Variants in HMGCLL1 observed in about 807,000 individuals in gnomAD.
The protein encoded by HMGCLL1 is 3-hydroxy-3-methylglutaryl-CoA lyase like 1.
HMGCLL1 carries 36 observed loss-of-function variants against 39.1 expected under a neutral mutation model. The ratio of observed to expected loss-of-function variants is 0.92; its 90% CI spans 0.71 to 1.22. The LOEUF is 1.22. Ranked by LOEUF, HMGCLL1 falls within the 50% of genes most tolerant of loss-of-function variation. The pLI, the probability that HMGCLL1 is intolerant of heterozygous loss-of-function variation, is 0.00. For missense variants in HMGCLL1, 451 were observed against 416.5 expected, an observed-to-expected ratio of 1.08 and a Z score of -0.72; for synonymous variants, 149 against 144.0, an observed-to-expected ratio of 1.03 and a Z score of -0.25.
intron 8 of HMGCLL1, among the ~76,000 whole-genome samples, chr6:55,436,089 G>A (rs1763361470): frequency 6.6e-6 from 1 of 151,794 alleles, no homozygotes; most frequent in African/African-American, 2.4e-5. Context: ...AGTCAACAAA[G>A]CATCAGCGAA....
chr6:55,639,042 C>T, the HMGCLL1 span, among the ~76,000 whole-genome samples: 2 of 151,988 alleles, frequency 1.3e-5, no homozygotes, highest in African/African-American at 4.8e-5. Flanking sequence ...TGGTATCATT[C>T]TATAAACTCT....
the HMGCLL1 span, among the ~76,000 whole-genome samples, chr6:55,607,698 TACTC>T: frequency 6.6e-6 from 1 of 152,202 alleles, no homozygotes; most frequent in Non-Finnish European, 1.5e-5. Context: ...CTTTTCTCTC[TACTC>T]ACTCTTGCTT....
chr6:55,483,522 C>T (rs1418073884), intron 7 of HMGCLL1, among the ~76,000 whole-genome samples: 2 of 152,152 alleles, frequency 1.3e-5, no homozygotes, highest in African/African-American at 2.4e-5. Flanking sequence ...CTTGGCCACC[C>T]AAAGTGCTGG....
chr6:55,557,021 C>T (rs1470498419), intron 1 of HMGCLL1, among the ~76,000 whole-genome samples: 1 of 152,150 alleles, frequency 6.6e-6, no homozygotes, highest in Non-Finnish European at 1.5e-5. Context: ...ACACTTTCCT[C>T]CCTTCCCCCA....
the HMGCLL1 span, among the ~76,000 whole-genome samples, chr6:55,625,759 T>A: frequency 6.6e-6 from 1 of 152,192 alleles, no homozygotes; most frequent in African/African-American, 2.4e-5. Flanking sequence ...GAACCATGAT[T>A]GGAAAATTGG....
intron 7 of HMGCLL1, among the ~76,000 whole-genome samples, chr6:55,479,917 C>CT (rs975565474): frequency 6.6e-6 from 1 of 151,568 alleles, no homozygotes; most frequent in Non-Finnish European, 1.5e-5. Context: ...GCTCAGACTT[C>CT]TTTTTATGAA....
intron 6 of HMGCLL1, among the ~76,000 whole-genome samples, chr6:55,496,455 T>G (rs1434766120): frequency 6.6e-6 from 1 of 152,186 alleles, no homozygotes; most frequent in East Asian, 1.9e-4. Flanking sequence ...TGTAATAATT[T>G]TGTAGCCACC....
At chr6:55,574,000 T>C (rs1771643467) in intron 1 of HMGCLL1, among the ~76,000 whole-genome samples, 1 of 152,114 alleles carries the variant, frequency 6.6e-6, no homozygotes, top group Non-Finnish European at 1.5e-5. Flanking sequence ...TGTAACTGGC[T>C]TCCACTGTAT....
the HMGCLL1 span, among the ~76,000 whole-genome samples, chr6:55,664,100 C>G: frequency 6.6e-6 from 1 of 151,862 alleles, no homozygotes; most frequent in African/African-American, 2.4e-5. Flanking sequence ...AGACAGCATA[C>G]CGTTGGGTCT....
At chr6:55,585,028 C>A in the HMGCLL1 span, among the ~76,000 whole-genome samples, 1 of 151,802 alleles carries the variant, frequency 6.6e-6, no homozygotes, top group Non-Finnish European at 1.5e-5. Flanking sequence ...TATGTTATAT[C>A]TGGCTGATCT....
At chr6:55,496,553 T>C (rs1443775611) in intron 6 of HMGCLL1, among the ~76,000 whole-genome samples, 1 of 152,176 alleles carries the variant, frequency 6.6e-6, no homozygotes, top group African/African-American at 2.4e-5. Context: ...AGTTCATCTT[T>C]CCAGTAAATT....
the HMGCLL1 span, among the ~76,000 whole-genome samples, chr6:55,603,291 C>T: frequency 1.4e-3 from 215 of 152,136 alleles, 2 homozygotes; most frequent in Middle Eastern, 0.01. Flanking sequence ...ATCTCTAACT[C>T]ATTCTTACTT....
At chr6:55,652,093 T>C in the HMGCLL1 span, among the ~76,000 whole-genome samples, 10 of 152,196 alleles carry the variant, frequency 6.6e-5, no homozygotes, top group South Asian at 2.1e-3. Flanking sequence ...AGTCCTTTTC[T>C]ATGTGCAGAC....
chr6:55,658,710 G>A, the HMGCLL1 span, among the ~76,000 whole-genome samples: 2,547 of 151,984 alleles, frequency 0.017, 37 homozygotes, highest in South Asian at 0.035. Context: ...CTTTTGTTAG[G>A]TATTGGGATA....
chr6:55,582,770 T>A (rs1056106985), upstream of HMGCLL1, among the ~76,000 whole-genome samples: 3 of 152,088 alleles, frequency 2.0e-5, no homozygotes, highest in South Asian at 2.1e-4. Flanking sequence ...AGAGAAAAAA[T>A]TAATATTTCT....
At chr6:55,614,101 T>A in the HMGCLL1 span, among the ~76,000 whole-genome samples, 2 of 152,136 alleles carry the variant, frequency 1.3e-5, no homozygotes, top group Non-Finnish European at 2.9e-5. Flanking sequence ...TTTGATTAGA[T>A]ATATGTAAAT....
chr6:55,558,084 G>A (rs1770764994), intron 1 of HMGCLL1, among the ~76,000 whole-genome samples: 1 of 152,180 alleles, frequency 6.6e-6, no homozygotes, highest in Non-Finnish European at 1.5e-5. Context: ...AATGATTAAA[G>A]CACATCTTAT....
At chr6:55,524,666 T>C (rs1561936580) in intron 3 of HMGCLL1, among the ~76,000 whole-genome samples, 2 of 151,846 alleles carry the variant, frequency 1.3e-5, no homozygotes, top group Admixed American at 1.3e-4. Flanking sequence ...TAGTGGTAAA[T>C]GACTCTCAAA....
rs532042478 is a variant in HMGCLL1, at chr6:55,528,187, T to A, written c.298-11584A>T. 2.6e-5 allele frequency among the ~76,000 whole-genome samples: 4 copies of A among 152,160 alleles called. No homozygotes were observed. In the South Asian group the frequency reaches 8.3e-4, roughly 32 times the overall value. On this transcript the variant is annotated intron_variant, in intron 3 of 8. Transcript: ENST00000274901. ...AATGTCAGAAGCTATCTGTCTACAA[T>A]CTCCAGTAGCTGGATTAGACATAAC... is the stretch of plus-strand genomic sequence containing the variant.
Sources: allele counts gnomAD v4.1 joint callset (sites outside exome capture counted in the v4.1 genomes callset), GRCh38; gene constraint gnomAD v4.1.1; transcripts MANE v1.5; gene names NCBI Gene and HGNC (gene_info 2026-07-23, HGNC 2026-07-21).